The following CNKSR3 variants were observed in gnomAD, a reference collection of about 807,000 sequenced individuals.
The protein encoded by CNKSR3 is CNKSR family member 3, also known as connector enhancer of kinase suppressor of ras 3.
A neutral mutation model predicts 67.7 loss-of-function variants in CNKSR3; 36 were observed. That is an observed-to-expected ratio of 0.53 (90% CI 0.41 to 0.70). The LOEUF (loss-of-function observed/expected upper bound fraction) is 0.70. CNKSR3 is among the 30% of genes least tolerant of loss of function. The probability of loss-of-function intolerance (pLI) is 0.00; values close to 1 mark genes in which losing one functional copy is unlikely to be tolerated. For missense variants in CNKSR3, 630 were observed against 695.2 expected (o/e 0.91, Z 1.05); for synonymous variants, 281 against 271.4 (o/e 1.04, Z -0.35).
rs1309199834 is a variant in CNKSR3 at position 154,391,888 on chromosome 6, A to AT, written c.*14465dup. 4.6e-5 allele frequency: 7 copies of AT among 151,926 alleles called. No individual in the cohort carries two copies. Among genetic ancestry groups the AT allele is most frequent in the African/African-American group, 1.7e-4 (7 of 41,362 alleles). 9.4% of individuals were successfully genotyped at this position (151,926 alleles called of 1,614,324 possible). A position where few individuals can be genotyped will look rare whatever the true frequency, so the allele number is the denominator to read the frequency against. On this transcript the variant is annotated 3_prime_UTR_variant, in exon 13 of 13. Coordinates refer to ENST00000607772, the MANE Select transcript of CNKSR3 (RefSeq NM_173515.4). ...CATAAGTGTTGTGTCTAAATTATAT[A>AT]TTTTTCAGTTTTACCTGTTTCTGAA...
chr6:154,488,113 T>C (rs2114646179), intron 1 of CNKSR3, among the ~76,000 whole-genome samples: 1 of 152,358 alleles, frequency 6.6e-6, no homozygotes, highest in African/African-American at 2.4e-5. Context: ...ATCTAAACTA[T>C]GCAATCTGCT....
chr6:154,420,505 C>T (rs1390384240), intron 9 of CNKSR3, among the ~76,000 whole-genome samples: 5 of 151,244 alleles, frequency 3.3e-5, no homozygotes, highest in Non-Finnish European at 7.4e-5. Context: ...CCGGCTAAAA[C>T]GGTGAAACCC....
intron 7 of CNKSR3, among the ~76,000 whole-genome samples, chr6:154,426,417 A>G (rs1198450401): frequency 6.6e-6 from 1 of 151,950 alleles, no homozygotes; most frequent in Non-Finnish European, 1.5e-5. Flanking sequence ...TGGACTGTGC[A>G]GTGGCTCGAT....
intron 10 of CNKSR3, among the ~76,000 whole-genome samples, chr6:154,411,610 G>A (rs1784912496): frequency 6.9e-6 from 1 of 144,554 alleles, no homozygotes; most frequent in African/African-American, 2.6e-5. Context: ...CTCCAGCCTG[G>A]GCAATGGAGC....
intron 4 of CNKSR3, chr6:154,433,742 G>A: frequency 2.4e-6 from 1 of 417,750 alleles, no homozygotes; most frequent in Non-Finnish European, 4.3e-6. Flanking sequence ...CTCATCCAAG[G>A]AACCCACTTG....
intron 1 of CNKSR3, among the ~76,000 whole-genome samples, chr6:154,500,052 T>A (rs6557362): frequency 0.41 from 62,742 of 151,880 alleles, 13,416 homozygotes; most frequent in African/African-American, 0.53. Context: ...CTCCAGTTGG[T>A]ATCTCTGTTA....
At chr6:154,442,412 G>A (rs1327711478) in intron 2 of CNKSR3, 122 bp from the exon 3 acceptor site, 1 of 739,462 alleles carries the variant, frequency 1.4e-6, no homozygotes, top group East Asian at 2.7e-5. Context: ...CACGAGGTCA[G>A]GAGATCGAGG....
chr6:154,406,014 AG>A lies in CNKSR3; in HGVS notation c.*339del, dbSNP rs1784779564. 2 of 216,110 alleles carry A rather than the reference AG, an allele frequency of 9.3e-6. No homozygotes were observed. The highest frequency in any genetic ancestry group is 1.1e-4 in the Admixed American group (2 of 18,960). The allele number at this position is 216,110 out of a possible 1,614,324, so 13.4% of individuals were successfully genotyped here. ...TTTGAGTCCCCCCAGCCCCTCAAAA[AG>A]GAACAATGCCACCAGTCCCTCACAA... On this transcript the variant is annotated 3_prime_UTR_variant, in exon 13 of 13. Transcript: ENST00000607772.
intron 1 of CNKSR3, among the ~76,000 whole-genome samples, chr6:154,457,715 G>A (rs532118296): frequency 2.8e-4 from 42 of 152,218 alleles, no homozygotes; most frequent in African/African-American, 1.0e-3. Flanking sequence ...CCGGATTTCT[G>A]CAATAACCTA....
At chr6:154,508,772 AAGG>A (rs1787153059) in intron 1 of CNKSR3, among the ~76,000 whole-genome samples, 1 of 152,204 alleles carries the variant, frequency 6.6e-6, no homozygotes, top group Non-Finnish European at 1.5e-5. Flanking sequence ...ACCCGTTCTC[AAGG>A]AGTTCTCCCA....
chr6:154,506,342 GAGAA>G (rs1787103058), intron 1 of CNKSR3, among the ~76,000 whole-genome samples: 1 of 152,164 alleles, frequency 6.6e-6, no homozygotes, highest in South Asian at 2.1e-4. Context: ...AGGGAGGAAA[GAGAA>G]AGAAGAAAAG....
intron 4 of CNKSR3, among the ~76,000 whole-genome samples, chr6:154,434,239 T>C (rs369875820): frequency 3.3e-5 from 5 of 152,190 alleles, no homozygotes; most frequent in Non-Finnish European, 7.3e-5. Flanking sequence ...AAAGTGAAAT[T>C]GCCAATGTGA....
intron 10 of CNKSR3, among the ~76,000 whole-genome samples, chr6:154,413,583 A>C (rs1229886516): frequency 6.6e-6 from 1 of 151,992 alleles, no homozygotes; most frequent in African/African-American, 2.4e-5. Flanking sequence ...AGCAAAATCA[A>C]GCTGCAACTC....
intron 1 of CNKSR3, among the ~76,000 whole-genome samples, chr6:154,451,133 T>G (rs976593809): frequency 1.3e-5 from 1 of 75,684 alleles, no homozygotes; most frequent in Admixed American, 1.5e-4. Context: ...GGTAAATGGG[T>G]TCGCTTACGG....
rs921057282 is a variant in CNKSR3 at position 154,393,827 on chromosome 6, T to C, written c.*12527A>G. The C allele has an allele frequency of 1.2e-4, 19 of 152,270 alleles. No homozygotes were observed. The highest frequency in any genetic ancestry group is 7.8e-4 in the Admixed American group (12 of 15,294). 9.4% of individuals were successfully genotyped at this position (152,270 alleles called of 1,614,324 possible). A position where few individuals can be genotyped will look rare whatever the true frequency, so the allele number is the denominator to read the frequency against. Reference sequence around the variant, plus strand: ...AGTTAGAATTAAAGAGTAATGAAAATGCCATATACCAAGCCTTGCAAAACA... The same window carrying C: ...AGTTAGAATTAAAGAGTAATGAAAACGCCATATACCAAGCCTTGCAAAACA... On this transcript the variant is annotated 3_prime_UTR_variant, in exon 13 of 13. Coordinates refer to ENST00000607772, the MANE Select transcript of CNKSR3 (RefSeq NM_173515.4).
chr6:154,446,088 A>G (rs180689586), intron 2 of CNKSR3, among the ~76,000 whole-genome samples: 1 of 152,328 alleles, frequency 6.6e-6, no homozygotes, highest in East Asian at 1.9e-4. Flanking sequence ...CATCAAAAAG[A>G]TACAAATTAA....
In CNKSR3 at chr6:154,406,322, G is replaced by A. The variant is rs73790959; in HGVS notation, c.*32C>T. The A allele has an allele frequency of 1.5e-4, 241 of 1,581,676 alleles. No homozygotes were observed. In the African/African-American group the frequency reaches 2.9e-3, roughly 19 times the overall value. On this transcript the variant is annotated 3_prime_UTR_variant, in exon 13 of 13. Transcript: ENST00000607772. ...TGTAAAAGCAAGGCACTTGGGGCAGGAGCCAGGCAGGTGGCCTGAGCAGGG... is the reference window on the plus strand; with the variant it reads ...TGTAAAAGCAAGGCACTTGGGGCAGAAGCCAGGCAGGTGGCCTGAGCAGGG...
intron 2 of CNKSR3, among the ~76,000 whole-genome samples, chr6:154,443,423 C>A (rs1785644111): frequency 6.7e-6 from 1 of 149,490 alleles, no homozygotes; most frequent in African/African-American, 2.5e-5. Context: ...GGTGTGACAA[C>A]CAAAAATCGC....
At chr6:154,423,345 C>T (rs1261130495) in intron 7 of CNKSR3, among the ~76,000 whole-genome samples, 1 of 152,198 alleles carries the variant, frequency 6.6e-6, no homozygotes, top group Non-Finnish European at 1.5e-5. Context: ...CTCACTGCAA[C>T]CTCCACTTCC....
Sources: allele counts gnomAD v4.1 joint callset (sites outside exome capture counted in the v4.1 genomes callset), GRCh38; gene constraint gnomAD v4.1.1; transcripts MANE v1.5; gene names NCBI Gene and HGNC (gene_info 2026-07-23, HGNC 2026-07-21).